VILL: variants seen among roughly 807,000 people sequenced by gnomAD.
VILL encodes villin like, also known as villin-like protein.
In VILL, 102 loss-of-function variants were observed where a neutral mutation model predicts 106.3. That is an observed-to-expected ratio of 0.96 (90% CI 0.82 to 1.13). The LOEUF (loss-of-function observed/expected upper bound fraction) is 1.13, where lower values mean the gene tolerates loss of function less well. VILL is among the 50% of genes most tolerant of loss of function. The probability of loss-of-function intolerance (pLI) is 0.00; values close to 1 mark genes in which losing one functional copy is unlikely to be tolerated. For synonymous variants in VILL, 431 were observed against 440.3 expected, an observed-to-expected ratio of 0.98 and a Z score of 0.27; for missense variants, 1,076 against 1,116.6, an observed-to-expected ratio of 0.96 and a Z score of 0.52.
At chr3:37,990,242 G>T (rs371570025), upstream of VILL, among the ~76,000 whole-genome samples, 1 of 152,218 alleles carries the variant, frequency 6.6e-6, no homozygotes, top group Non-Finnish European at 1.5e-5. This position sits in a 1 kb window ranked among gnomAD's most constrained non-coding sequence, Gnocchi z 5.1. Context: ...ATGGGTATCA[G>T]GGTTCCCTGA....
intron 5 of VILL, among the ~76,000 whole-genome samples, chr3:37,996,871 A>G (rs1203247302): frequency 6.6e-6 from 1 of 152,214 alleles, no homozygotes; most frequent in Non-Finnish European, 1.5e-5. Context: ...GTGTACATGT[A>G]TACATGTACA....
At chr3:38,000,533 G>A (rs981814572) in intron 11 of VILL, among the ~76,000 whole-genome samples, 3 of 152,102 alleles carry the variant, frequency 2.0e-5, no homozygotes, top group Non-Finnish European at 4.4e-5. Context: ...CAGTGGGAGA[G>A]GGAGACAGGA....
intron 17 of VILL, 96 bp from the exon 18 acceptor site, chr3:38,006,085 C>G (rs78728128): frequency 6.3e-7 from 1 of 1,598,552 alleles, no homozygotes; most frequent in Non-Finnish European, 8.6e-7. Context: ...CCAGTGTGTG[C>G]GAGAGACCTG....
At position 37,993,894 on chromosome 3, in the gene VILL, C is replaced by T; in HGVS notation, c.61-4C>T. 2 of 1,614,180 alleles carry T rather than the reference C, an allele frequency of 1.2e-6. No homozygotes were observed. Among genetic ancestry groups the T allele is most frequent in the South Asian group, 2.2e-5 (2 of 91,082 alleles). Reference sequence around the variant, plus strand: ...AGTTGTTACAGGGAACTCTCCTCTCCCAGAACCGGAAGATGGTGCCGGTAC... The same window carrying T: ...AGTTGTTACAGGGAACTCTCCTCTCTCAGAACCGGAAGATGGTGCCGGTAC... On this transcript the variant is annotated splice_polypyrimidine_tract_variant and splice_region_variant and intron_variant, in intron 2 of 19. Transcript: ENST00000383759.
chr3:38,005,377 C>T (rs1365587272), intron 16 of VILL, among the ~76,000 whole-genome samples: 5 of 152,162 alleles, frequency 3.3e-5, no homozygotes, highest in African/African-American at 1.2e-4. Flanking sequence ...CCGGTTGTTT[C>T]TTCTGGTTAG....
Position 37,997,317 on chromosome 3 carries a change from C to A in VILL, c.561+130C>A. The A allele has an allele frequency of 8.4e-7, 1 of 1,184,446 alleles. No homozygotes were observed. 73.4% of individuals were successfully genotyped at this position (1,184,446 alleles called of 1,614,324 possible). On this transcript the variant is annotated intron_variant, in intron 6 of 19. Coordinates refer to ENST00000383759, the MANE Select transcript of VILL (RefSeq NM_015873.4). This position sits in a 1 kb window ranked among gnomAD's most constrained non-coding sequence, Gnocchi z 4.7. ...CAACCCAAGAAACGCCTATGAGTTA[C>A]AAGCTGAGTTCAGACCCTGCATTGT...
At chr3:38,006,059 C>T in intron 17 of VILL, 85 bp downstream of exon 17, 1 of 1,590,822 alleles carries the variant, frequency 6.3e-7, no homozygotes, top group South Asian at 1.1e-5. Context: ...GGAGGCACTG[C>T]CCTGGCTGGG....
intron 11 of VILL, chr3:38,000,855 G>T (rs1384670810): frequency 4.4e-6 from 2 of 456,544 alleles, no homozygotes; most frequent in African/African-American, 4.0e-5. Flanking sequence ...GGTAAGGGAG[G>T]CGTCATCATC....
intron 11 of VILL, chr3:38,000,769 C>T (rs756329170): frequency 2.4e-5 from 10 of 410,430 alleles, no homozygotes; most frequent in African/African-American, 1.2e-4. Context: ...GTCTGGAGGT[C>T]GGCTCCCCAG....
chr3:38,003,648 T>C (rs1456027403), intron 15 of VILL: 2 of 329,352 alleles, frequency 6.1e-6, no homozygotes, highest in Admixed American at 8.7e-5. Flanking sequence ...TGTGTGTGTA[T>C]ACAGTGTCAT....
chr3:38,001,260 G>A (rs2125535632), intron 11 of VILL, 196 bp from the exon 12 acceptor site: 2 of 802,962 alleles, frequency 2.5e-6, no homozygotes, highest in East Asian at 5.4e-5. Flanking sequence ...GGGTCCGTGG[G>A]GAAAGGGTCA....
intron 1 of VILL, among the ~76,000 whole-genome samples, chr3:37,992,011 C>T (rs962668333): frequency 7.2e-5 from 11 of 152,096 alleles, no homozygotes; most frequent in Admixed American, 5.9e-4. Flanking sequence ...GACGGGCTCC[C>T]GGACCCCTGG....
rs1184485338 is a variant in VILL at position 37,998,289 on chromosome 3, T to C, written c.867T>C (p.Gly289=). 1 of 1,614,128 alleles carries C rather than the reference T, an allele frequency of 6.2e-7. No homozygotes were observed. Among genetic ancestry groups the C allele is most frequent in the Non-Finnish European group, 8.5e-7 (1 of 1,179,992 alleles). The stretch of plus-strand genomic sequence containing the variant: ...AGGACTTCTACATCCTGGACCAGGG[T>C]GGCTTCAAGATCTATGTGTGGCAGG... The part of the protein sequence containing the change: ...QEEDFYILDQ[G]GFKIYVWQGR... The change falls in exon 9 of 20, where the codon GGT becomes GGC. Residue 289 remains glycine (G), a synonymous_variant. Transcript: ENST00000383759. The surrounding 1 kb of genome is among the most constrained non-coding windows in gnomAD (Gnocchi z 4.1).
At chr3:38,006,837 G>A in intron 19 of VILL, 105 bp from the exon 20 acceptor site, 1 of 1,512,902 alleles carries the variant, frequency 6.6e-7, no homozygotes, top group Non-Finnish European at 9.0e-7. Flanking sequence ...TGGGCAAACA[G>A]ATGCGGGAGT....
At chr3:37,996,042 T>G (rs528977809) in intron 5 of VILL, among the ~76,000 whole-genome samples, 195 bp downstream of exon 5, 1 of 152,174 alleles carries the variant, frequency 6.6e-6, no homozygotes, top group Non-Finnish European at 1.5e-5. Context: ...CCGGACCTTT[T>G]GTTTATGCGT....
chr3:38,001,695 C>T lies in VILL; in HGVS notation c.1321-7C>T. On this transcript the variant is annotated splice_region_variant and splice_polypyrimidine_tract_variant and intron_variant, in intron 12 of 19. Coordinates refer to ENST00000383759, the MANE Select transcript of VILL (RefSeq NM_015873.4). ...GCCAGGCCCTCACTCACTGCCCCCA[C>T]CTGCAGGGCCACCAGGCCACTGCGG... 6.2e-7 allele frequency: 1 copy of T among 1,614,148 alleles called. No homozygotes were observed. Among genetic ancestry groups the T allele is most frequent in the Non-Finnish European group, 8.5e-7 (1 of 1,179,982 alleles).
Position 38,006,920 on chromosome 3 carries a change from TCC to T in VILL, c.2458-18_2458-17del. On this transcript the variant is annotated intron_variant, in intron 19 of 19. Coordinates refer to ENST00000383759, the MANE Select transcript of VILL (RefSeq NM_015873.4). ...CTCAGATGACACCCTACCCTGTACC[TCC>T]CCCTCTCTCCCCTGCCCAGTTCTAT... The T allele has an allele frequency of 1.9e-6, 3 of 1,596,388 alleles. No homozygotes were observed. Among genetic ancestry groups the T allele is most frequent in the Non-Finnish European group, 2.6e-6 (3 of 1,164,762 alleles).
chr3:37,994,287 G>C lies in VILL; in HGVS notation c.162G>C (p.Gln54His). ...TCCCCCAGAGCCCGAAGGCCACGCA[G>C]GGGGCGTCCAGCGACCTGCACTACT... ...LHVPQSPKAT[Q>H]GASSDLHYWV... The change falls in exon 4 of 20, where the codon CAG (glutamine) becomes CAC (histidine). Residue 54 changes from glutamine to histidine, a missense_variant. By Grantham distance (24) the Gln-to-His change is conservative (BLOSUM62 0). Coordinates refer to ENST00000383759, the MANE Select transcript of VILL (RefSeq NM_015873.4). 6.2e-7 allele frequency: 1 copy of C among 1,610,676 alleles called. No homozygotes were observed. The highest frequency in any genetic ancestry group is 8.5e-7 in the Non-Finnish European group (1 of 1,179,698).
At chr3:37,991,509 G>A (rs866336855) in intron 1 of VILL, among the ~76,000 whole-genome samples, 4 of 151,684 alleles carry the variant, frequency 2.6e-5, no homozygotes, top group African/African-American at 9.7e-5. Flanking sequence ...AAATCAGAGG[G>A]GAGAAAGAAG....
Sources: gnomAD v4.1 joint callset for allele counts (sites outside exome capture counted in the v4.1 genomes callset) on GRCh38, gnomAD v4.1.1 for gene constraint, Gnocchi (gnomAD v3.1) non-coding constraint, MANE v1.5 for transcripts, NCBI Gene and HGNC (gene_info 2026-07-23, HGNC 2026-07-21) for gene names.